Variants in SRPK2 observed in about 807,000 individuals in gnomAD.
The protein encoded by SRPK2 is SFRS protein kinase 2.
A neutral mutation model predicts 90.8 loss-of-function variants in SRPK2; 21 were observed. The ratio of observed to expected loss-of-function variants is 0.23; its 90% confidence interval spans 0.16 to 0.33. The LOEUF (loss-of-function observed/expected upper bound fraction) is 0.33, where lower values mean the gene tolerates loss of function less well. SRPK2 is among the 10% of genes least tolerant of loss of function. SRPK2 has a pLI of 1.00. For synonymous variants in SRPK2, 288 were observed against 311.1 expected (o/e 0.93, Z 0.78); for missense variants, 620 against 869.0 (o/e 0.71, Z 3.60).
intron 2 of SRPK2, among the ~76,000 whole-genome samples, chr7:105,344,076 T>C (rs1816159542): frequency 6.6e-6 from 1 of 152,162 alleles, no homozygotes; most frequent in South Asian, 2.1e-4. Flanking sequence ...CAATGTCATA[T>C]CATTCTATTT....
At chr7:105,195,987 C>G (rs1172029848) in intron 3 of SRPK2, among the ~76,000 whole-genome samples, 1 of 152,124 alleles carries the variant, frequency 6.6e-6, no homozygotes, top group Non-Finnish European at 1.5e-5. Flanking sequence ...CCTCTATGTG[C>G]CCTGTAGTAA....
chr7:105,337,487 T>G (rs1285456138), intron 2 of SRPK2, among the ~76,000 whole-genome samples: 1 of 151,354 alleles, frequency 6.6e-6, no homozygotes, highest in African/African-American at 2.4e-5. Context: ...GCTAATTTTT[T>G]TATTTTTAGT....
At chr7:105,379,309 T>A (rs2132620427) in intron 2 of SRPK2, among the ~76,000 whole-genome samples, 1 of 152,156 alleles carries the variant, frequency 6.6e-6, no homozygotes, top group South Asian at 2.1e-4. Flanking sequence ...ACCATTGACA[T>A]GGTATTTACA....
At chr7:105,371,356 A>G (rs942529338) in intron 2 of SRPK2, among the ~76,000 whole-genome samples, 5 of 152,222 alleles carry the variant, frequency 3.3e-5, no homozygotes, top group African/African-American at 1.2e-4. Flanking sequence ...TAATAAATGT[A>G]ATTTGCAGAA....
chr7:105,244,565 C>T (rs1289839858), intron 2 of SRPK2: 1 of 590,868 alleles, frequency 1.7e-6, no homozygotes, highest in African/African-American at 1.9e-5. Flanking sequence ...CAGAACGAGA[C>T]TCCGTCTCAA....
intron 2 of SRPK2, among the ~76,000 whole-genome samples, chr7:105,217,527 C>G (rs1797616869): frequency 6.6e-6 from 1 of 152,144 alleles, no homozygotes; most frequent in Non-Finnish European, 1.5e-5. Context: ...ATCCATATAC[C>G]TGACAGAGCA....
intron 2 of SRPK2, among the ~76,000 whole-genome samples, chr7:105,370,746 G>A (rs1213411978): frequency 1.3e-5 from 2 of 150,792 alleles, no homozygotes; most frequent in Non-Finnish European, 2.9e-5. Flanking sequence ...CTCCCAAGTA[G>A]CTGGGACTAT....
At chr7:105,291,180 G>A (rs1273741026) in intron 2 of SRPK2, among the ~76,000 whole-genome samples, 1 of 152,154 alleles carries the variant, frequency 6.6e-6, no homozygotes. Context: ...AGTCGGTACT[G>A]GTAAGAAATG....
chr7:105,120,128 G>GC (rs1206416104), intron 15 of SRPK2, among the ~76,000 whole-genome samples: 1 of 152,148 alleles, frequency 6.6e-6, no homozygotes, highest in African/African-American at 2.4e-5. Flanking sequence ...TCTCACCACA[G>GC]CAACAGTTAA....
intron 2 of SRPK2, among the ~76,000 whole-genome samples, chr7:105,381,551 G>A (rs777237614): frequency 4.6e-5 from 7 of 152,144 alleles, no homozygotes; most frequent in Non-Finnish European, 8.8e-5. Context: ...ACACTGTCCT[G>A]CAATGGTCTT....
intron 2 of SRPK2, among the ~76,000 whole-genome samples, chr7:105,256,328 C>T (rs968959731): frequency 3.3e-5 from 5 of 152,112 alleles, no homozygotes; most frequent in African/African-American, 1.2e-4. Flanking sequence ...TTGTTTCTAA[C>T]TTGCACCATT....
chr7:105,186,232 A>C (rs1403229175), intron 3 of SRPK2, among the ~76,000 whole-genome samples: 1 of 152,094 alleles, frequency 6.6e-6, no homozygotes, highest in Non-Finnish European at 1.5e-5. Context: ...GTACATGTGC[A>C]GGTTTGTTAT....
At chr7:105,145,358 C>T in intron 8 of SRPK2, 50 bp from the exon 9 acceptor site, 1 of 1,414,264 alleles carries the variant, frequency 7.1e-7, no homozygotes. Context: ...CAGACACATG[C>T]CTTCATGTAG....
At chr7:105,276,271 G>A (rs1806480403) in intron 2 of SRPK2, among the ~76,000 whole-genome samples, 1 of 151,502 alleles carries the variant, frequency 6.6e-6, no homozygotes, top group South Asian at 2.1e-4. Context: ...TAGAGACAGG[G>A]TCTCGCTATG....
chr7:105,343,924 G>C (rs186465310), intron 2 of SRPK2, among the ~76,000 whole-genome samples: 1 of 151,798 alleles, frequency 6.6e-6, no homozygotes, highest in Non-Finnish European at 1.5e-5. Flanking sequence ...CACCACACCC[G>C]GCTAATTTTT....
intron 2 of SRPK2, among the ~76,000 whole-genome samples, chr7:105,242,244 G>C (rs1800909402): frequency 6.6e-6 from 1 of 152,162 alleles, no homozygotes; most frequent in Non-Finnish European, 1.5e-5. Flanking sequence ...GGGTGCAGTG[G>C]CTCATGCCAG....
chr7:105,190,188 T>C (rs999642661), intron 3 of SRPK2, among the ~76,000 whole-genome samples: 6 of 152,178 alleles, frequency 3.9e-5, no homozygotes, highest in Admixed American at 1.3e-4. Context: ...GGGCAGATTA[T>C]GCAGGGGCTG....
chr7:105,298,043 A>G (rs952513662), intron 2 of SRPK2, among the ~76,000 whole-genome samples: 1 of 152,054 alleles, frequency 6.6e-6, no homozygotes, highest in African/African-American at 2.4e-5. Context: ...CCTGGCCTGT[A>G]ATTTTTATAT....
Position 105,132,914 on chromosome 7 carries a change from C to A in SRPK2, c.1645-16G>T, listed in dbSNP as rs760617375. 7 of 1,613,218 alleles carry A rather than the reference C, an allele frequency of 4.3e-6. No individual in the cohort carries two copies. In the South Asian group the frequency reaches 5.5e-5, roughly 13 times the overall value. ...AGTGTTTATGCTGGAAGGGAACAGG[C>A]TGCATTACCACGGAGCAACACAGAC... On this transcript the variant is annotated splice_polypyrimidine_tract_variant and intron_variant, in intron 12 of 15. Transcript: ENST00000393651.
Sources: allele counts gnomAD v4.1 joint callset (sites outside exome capture counted in the v4.1 genomes callset), GRCh38; gene constraint gnomAD v4.1.1; transcripts MANE v1.5; gene names NCBI Gene and HGNC (gene_info 2026-07-23, HGNC 2026-07-21).